Variants in MAPKAPK2 observed in about 807,000 individuals in gnomAD.
MAPKAPK2 encodes MAP kinase-activated protein kinase 2.
A neutral mutation model predicts 48.8 loss-of-function variants in MAPKAPK2; 9 were observed. That is an observed-to-expected ratio of 0.18 (90% CI 0.11 to 0.32). The LOEUF (loss-of-function observed/expected upper bound fraction) is 0.32, where lower values mean the gene tolerates loss of function less well. MAPKAPK2 is among the 10% of genes least tolerant of loss of function. The pLI is 1.00. For missense variants in MAPKAPK2, 331 were observed against 498.3 expected, an observed-to-expected ratio of 0.66 and a Z score of 3.20; for synonymous variants, 202 against 190.6, an observed-to-expected ratio of 1.06 and a Z score of -0.49.
At chr1:206,717,967 T>C (rs1438102136) in intron 1 of MAPKAPK2, among the ~76,000 whole-genome samples, 2 of 152,128 alleles carry the variant, frequency 1.3e-5, no homozygotes, top group African/African-American at 4.8e-5. Context: ...AGAAAAAAAC[T>C]TAAACATCTA....
rs527897793 is a variant in MAPKAPK2 at position 206,724,961 on chromosome 1, C to T, written c.280-3749C>T. On this transcript the variant is annotated intron_variant, in intron 1 of 9. Transcript: ENST00000367103. ...AAGCACCTTCAAGGATATTATTTCA[C>T]GAAGTTGAATCTAATTTTACAGATG... Among the ~76,000 whole-genome samples the T allele has an allele frequency of 3.9e-5, 6 of 152,288 alleles. No individual in the cohort carries two copies. The South Asian group carries it at 8.3e-4, about 21-fold the overall frequency.
Position 206,731,801 on chromosome 1 carries a change from C to T in MAPKAPK2, c.979-38C>T, listed in dbSNP as rs370498630. 71 of 1,610,284 alleles carry T rather than the reference C, an allele frequency of 4.4e-5. No individual in the cohort carries two copies. The African/African-American group carries it at 8.9e-4, about 20-fold the overall frequency. On this transcript the variant is annotated intron_variant, in intron 8 of 9. Transcript: ENST00000367103. The surrounding 1 kb of genome is among the most constrained non-coding windows in gnomAD (Gnocchi z 5.9). ...GACAGAGTCTTAGCCAGGACCCTACCCCAGGCTTTCACTCGGACCCCTTTT... is the reference window on the plus strand; with the variant it reads ...GACAGAGTCTTAGCCAGGACCCTACTCCAGGCTTTCACTCGGACCCCTTTT...
intron 1 of MAPKAPK2, among the ~76,000 whole-genome samples, chr1:206,711,502 C>T (rs552030967): frequency 3.9e-4 from 59 of 151,962 alleles, no homozygotes; most frequent in Non-Finnish European, 5.0e-4. Flanking sequence ...CCACCCACCT[C>T]GGCCTCCCAG....
intron 1 of MAPKAPK2, among the ~76,000 whole-genome samples, chr1:206,697,907 C>G (rs1553427289): frequency 6.6e-6 from 1 of 152,262 alleles, no homozygotes; most frequent in Non-Finnish European, 1.5e-5. Context: ...TAGGACCTGT[C>G]TGGGCCTCAC....
intron 1 of MAPKAPK2, among the ~76,000 whole-genome samples, chr1:206,703,939 C>T (rs1212961672): frequency 6.6e-6 from 1 of 152,226 alleles, no homozygotes; most frequent in Non-Finnish European, 1.5e-5. Context: ...TTGAGAGTGC[C>T]CTGCACCCCA....
At chr1:206,720,260 A>G (rs1258227214) in intron 1 of MAPKAPK2, among the ~76,000 whole-genome samples, 6 of 152,268 alleles carry the variant, frequency 3.9e-5, no homozygotes, top group Non-Finnish European at 8.8e-5. Context: ...TCACCTAGAA[A>G]ATACAGACAT....
In MAPKAPK2 at chr1:206,732,799, G is replaced by C. The variant is rs1553432957; in HGVS notation, c.*81G>C. On this transcript the variant is annotated 3_prime_UTR_variant, in exon 10 of 10. Transcript: ENST00000367103. This position sits in a 1 kb window ranked among gnomAD's most constrained non-coding sequence, Gnocchi z 4.4. ...ATTTTTTAAACGAAGAGACAGAACT[G>C]TCCACATCTGCCTCCTCTCCTCCTC... The C allele has an allele frequency of 1.4e-6, 2 of 1,478,732 alleles. No individual in the cohort carries two copies. The allele number at this position is 1,478,732 out of a possible 1,614,324, so 91.6% of individuals were successfully genotyped here.
At chr1:206,720,579 G>A (rs1367909848) in intron 1 of MAPKAPK2, among the ~76,000 whole-genome samples, 1 of 152,162 alleles carries the variant, frequency 6.6e-6, no homozygotes, top group Non-Finnish European at 1.5e-5. Flanking sequence ...GGCTGGTCAT[G>A]AACTTCTGAC....
chr1:206,686,857 C>T (rs1426129898), intron 1 of MAPKAPK2, among the ~76,000 whole-genome samples: 1 of 152,160 alleles, frequency 6.6e-6, no homozygotes, highest in Non-Finnish European at 1.5e-5. Flanking sequence ...TTGCTTTCTA[C>T]TGTAAGTTAT....
intron 5 of MAPKAPK2, 97 bp from the exon 6 acceptor site, chr1:206,730,591 G>T (rs1353368409): frequency 7.6e-6 from 8 of 1,053,622 alleles, no homozygotes; most frequent in African/African-American, 3.1e-5. Context: ...CTCATGATAG[G>T]CTGAAAGGTT....
At chr1:206,694,567 A>G (rs1312370747) in intron 1 of MAPKAPK2, among the ~76,000 whole-genome samples, 3 of 152,228 alleles carry the variant, frequency 2.0e-5, no homozygotes, top group South Asian at 2.1e-4. Context: ...GAAGGTTAGT[A>G]GGATTCTAAA....
At chr1:206,728,333 A>G (rs184782251) in intron 1 of MAPKAPK2, among the ~76,000 whole-genome samples, 16 of 151,802 alleles carry the variant, frequency 1.1e-4, no homozygotes, top group African/African-American at 3.6e-4. Flanking sequence ...CCCCTTTCCA[A>G]TACTGTATTG....
intron 1 of MAPKAPK2, among the ~76,000 whole-genome samples, chr1:206,718,350 T>C (rs1302682589): frequency 6.6e-6 from 1 of 151,998 alleles, no homozygotes; most frequent in African/African-American, 2.4e-5. Flanking sequence ...AATAACATGG[T>C]GAAACCCTGT....
intron 1 of MAPKAPK2, chr1:206,695,770 CTCTTT>C (rs1433409428): frequency 5.0e-6 from 1 of 199,982 alleles, no homozygotes; most frequent in East Asian, 1.7e-4. Context: ...CTCTCTCTCT[CTCTTT>C]TTTTTTTTAA....
At chr1:206,728,970 G>T (rs542402080) in intron 2 of MAPKAPK2, 65 bp from the exon 3 acceptor site, 7 of 1,609,998 alleles carry the variant, frequency 4.3e-6, no homozygotes, top group Non-Finnish European at 5.1e-6. Context: ...TTGATTTTTT[G>T]GGGGGCAGTG....
intron 1 of MAPKAPK2, among the ~76,000 whole-genome samples, chr1:206,723,991 T>C (rs571887555): frequency 6.6e-6 from 1 of 152,346 alleles, no homozygotes; most frequent in African/African-American, 2.4e-5. Flanking sequence ...GCACAAACTG[T>C]GGGGCTGAGG....
At chr1:206,708,088 A>G (rs1673021311) in intron 1 of MAPKAPK2, among the ~76,000 whole-genome samples, 1 of 152,234 alleles carries the variant, frequency 6.6e-6, no homozygotes, top group African/African-American at 2.4e-5. Flanking sequence ...CTCTGATCAC[A>G]CAGTCAGAAC....
At chr1:206,689,105 C>T (rs554190046) in intron 1 of MAPKAPK2, among the ~76,000 whole-genome samples, 16 of 152,328 alleles carry the variant, frequency 1.1e-4, no homozygotes, top group African/African-American at 2.9e-4. Context: ...TGCTGTGCAA[C>T]TCTGATTAGG....
intron 1 of MAPKAPK2, among the ~76,000 whole-genome samples, chr1:206,720,357 G>A (rs1673476699): frequency 1.3e-5 from 2 of 151,996 alleles, no homozygotes; most frequent in Admixed American, 1.3e-4. Context: ...TATTGTTTTT[G>A]TTTTGTTTTG....
Sources: allele counts gnomAD v4.1 joint callset (sites outside exome capture counted in the v4.1 genomes callset), GRCh38; gene constraint gnomAD v4.1.1; non-coding constraint Gnocchi (gnomAD v3.1); transcripts MANE v1.5; gene names NCBI Gene and HGNC (gene_info 2026-07-23, HGNC 2026-07-21).